Variants in TAFA5 observed in about 807,000 individuals in gnomAD.
TAFA5 encodes the protein TAFA chemokine like family member 5, also known as chemokine-like protein TAFA-5.
A neutral mutation model predicts 15.3 loss-of-function variants in TAFA5; 6 were observed. The observed-to-expected ratio is 0.39, with a 90% confidence interval of 0.21 to 0.77. The LOEUF (loss-of-function observed/expected upper bound fraction) is 0.77, where lower values mean the gene tolerates loss of function less well. TAFA5 is among the 30% of genes least tolerant of loss of function. The pLI, the probability that TAFA5 is intolerant of heterozygous loss-of-function variation, is 0.41. For synonymous variants in TAFA5, 103 were observed against 80.7 expected (o/e 1.28, Z -1.48); for missense variants, 161 against 193.1 (o/e 0.83, Z 0.98).
chr22:48,630,377 G>A (rs1039732017), intron 1 of TAFA5, among the ~76,000 whole-genome samples: 14 of 152,214 alleles, frequency 9.2e-5, no homozygotes, highest in Non-Finnish European at 1.8e-4. Context: ...CCCAGAGCTG[G>A]TGACAGGCAC....
chr22:48,724,779 G>A (rs966437546), intron 3 of TAFA5, among the ~76,000 whole-genome samples: 3 of 152,210 alleles, frequency 2.0e-5, no homozygotes, highest in Non-Finnish European at 4.4e-5. Flanking sequence ...TTAGAAACTA[G>A]TGATCAGAGG....
intron 1 of TAFA5, among the ~76,000 whole-genome samples, chr22:48,575,381 G>A (rs925221283): frequency 1.5e-4 from 23 of 149,052 alleles, no homozygotes; most frequent in Non-Finnish European, 3.0e-4. Context: ...GCGGCCGGGA[G>A]GAGCGCAGAC....
At chr22:48,637,495 A>G (rs1889523137) in intron 1 of TAFA5, among the ~76,000 whole-genome samples, 1 of 152,178 alleles carries the variant, frequency 6.6e-6, no homozygotes, top group Non-Finnish European at 1.5e-5. Flanking sequence ...CCCAAAATAA[A>G]AGCGGTAATA....
At chr22:48,724,498 C>G (rs1929660410) in intron 3 of TAFA5, among the ~76,000 whole-genome samples, 1 of 152,218 alleles carries the variant, frequency 6.6e-6, no homozygotes, top group Non-Finnish European at 1.5e-5. Context: ...CCGTGGCTTT[C>G]TGGATTAATG....
chr22:48,578,859 G>T (rs1043444605), intron 1 of TAFA5, among the ~76,000 whole-genome samples: 3 of 152,116 alleles, frequency 2.0e-5, no homozygotes, highest in Admixed American at 6.5e-5. Flanking sequence ...AGAGGTGCAG[G>T]GAGGGGGGTG....
chr22:48,703,419 C>G (rs554095132), intron 2 of TAFA5, among the ~76,000 whole-genome samples: 2 of 152,348 alleles, frequency 1.3e-5, no homozygotes, highest in East Asian at 3.9e-4. Flanking sequence ...TTTCCGTAGA[C>G]AGCCAGTGGG....
At chr22:48,605,396 G>T (rs1488615616) in intron 1 of TAFA5, among the ~76,000 whole-genome samples, 1 of 147,598 alleles carries the variant, frequency 6.8e-6, no homozygotes, top group Admixed American at 6.7e-5. Context: ...GGTGGTAATG[G>T]TAATGATGGT....
At chr22:48,567,191 A>G (rs2147135883) in intron 1 of TAFA5, among the ~76,000 whole-genome samples, 1 of 152,358 alleles carries the variant, frequency 6.6e-6, no homozygotes. Context: ...ACACACACAC[A>G]AAAATGTGTT....
intron 2 of TAFA5, among the ~76,000 whole-genome samples, chr22:48,694,675 G>A (rs999030086): frequency 3.9e-5 from 6 of 152,068 alleles, no homozygotes; most frequent in African/African-American, 1.2e-4. Flanking sequence ...GATGTTCTCT[G>A]TGTCCCCGGG....
In TAFA5 at chr22:48,490,394, G is replaced by A. The variant is rs1928107460; in HGVS notation, c.112+690G>A. ...GGTGGTGCGGGCCAGTGGGCGCCCG[G>A]GCGTGAGCTGAGGGCTGGGGTAGGG... On this transcript the variant is annotated intron_variant, in intron 1 of 3. Coordinates refer to ENST00000402357, the MANE Select transcript of TAFA5 (RefSeq NM_001082967.3). This position sits in a 1 kb window ranked among gnomAD's most constrained non-coding sequence, Gnocchi z 5.8. Among the ~76,000 whole-genome samples, 1 of 151,852 alleles carries A rather than the reference G, an allele frequency of 6.6e-6. No individual in the cohort carries two copies. Among genetic ancestry groups the A allele is most frequent in the Non-Finnish European group, 1.5e-5 (1 of 67,916 alleles).
At chr22:48,596,547 A>G (rs1159226325) in intron 1 of TAFA5, among the ~76,000 whole-genome samples, 1 of 152,186 alleles carries the variant, frequency 6.6e-6, no homozygotes, top group Non-Finnish European at 1.5e-5. Flanking sequence ...GTTTCCATCT[A>G]GCCTCTCTCC....
chr22:48,633,553 T>G (rs1227478874), intron 1 of TAFA5, among the ~76,000 whole-genome samples: 1 of 138,820 alleles, frequency 7.2e-6, no homozygotes, highest in African/African-American at 3.4e-5. Flanking sequence ...TCTCTCTCTC[T>G]CTCTCCATCT....
Position 48,489,752 on chromosome 22 carries a change from A to C in TAFA5, c.112+48A>C. Reference sequence around the variant, plus strand: ...CCCGGCACGGCCCTCTGGGCCCCGGACCCCCTCCTCCGGCCCCGGCAGGCG... The same window carrying C: ...CCCGGCACGGCCCTCTGGGCCCCGGCCCCCCTCCTCCGGCCCCGGCAGGCG... On this transcript the variant is annotated intron_variant, in intron 1 of 3. Coordinates refer to ENST00000402357, the MANE Select transcript of TAFA5 (RefSeq NM_001082967.3). This position sits in a 1 kb window ranked among gnomAD's most constrained non-coding sequence, Gnocchi z 5.5. 8.2e-7 allele frequency: 1 copy of C among 1,212,856 alleles called. No homozygotes were observed. The highest frequency in any genetic ancestry group is 1.1e-6 in the Non-Finnish European group (1 of 928,416). 75.1% of individuals were successfully genotyped at this position (1,212,856 alleles called of 1,614,324 possible).
chr22:48,531,892 G>A lies in TAFA5; in HGVS notation c.112+42188G>A, dbSNP rs191624872. Reference sequence around the variant, plus strand: ...CGGGCCTGGCAGGGCAGGAGAGGGTGGACGTCCCACAGCCAGGAACAGCCA... The same window carrying A: ...CGGGCCTGGCAGGGCAGGAGAGGGTAGACGTCCCACAGCCAGGAACAGCCA... On this transcript the variant is annotated intron_variant, in intron 1 of 3. Coordinates refer to ENST00000402357, the MANE Select transcript of TAFA5 (RefSeq NM_001082967.3). Among the ~76,000 whole-genome samples the A allele has an allele frequency of 2.9e-4, 44 of 152,336 alleles. No individual in the cohort carries two copies. In the East Asian group the frequency reaches 8.1e-3, roughly 28 times the overall value.
Position 48,542,511 on chromosome 22 carries a change from A to G in TAFA5, c.112+52807A>G, listed in dbSNP as rs1393769993. 3.9e-3 allele frequency among the ~76,000 whole-genome samples: 195 copies of G among 50,604 alleles called. 7 individuals are homozygous for G. Among genetic ancestry groups the G allele is most frequent in the Non-Finnish European group, 9.0e-4 (25 of 27,770 alleles). 33.2% of individuals were successfully genotyped at this position (50,604 alleles called of 152,430 possible). On this transcript the variant is annotated intron_variant, in intron 1 of 3. Coordinates refer to ENST00000402357, the MANE Select transcript of TAFA5 (RefSeq NM_001082967.3). ...TGTGTGGTGTGTGTGCGTGTGTGGCATGTGTGTGTGCATGTGTGGTGTGTG... is the reference window on the plus strand; with the variant it reads ...TGTGTGGTGTGTGTGCGTGTGTGGCGTGTGTGTGTGCATGTGTGGTGTGTG...
chr22:48,701,633 C>A (rs1296527489), intron 2 of TAFA5, among the ~76,000 whole-genome samples: 1 of 152,232 alleles, frequency 6.6e-6, no homozygotes, highest in African/African-American at 2.4e-5. Context: ...GCAAGTTGGA[C>A]TTTCGGCAAA....
chr22:48,595,206 C>T (rs1020967072), intron 1 of TAFA5, among the ~76,000 whole-genome samples: 2 of 152,234 alleles, frequency 1.3e-5, no homozygotes, highest in South Asian at 2.1e-4. Context: ...TCCCTTCCCA[C>T]CTACTCAGGG....
chr22:48,499,500 A>G (rs908906675), intron 1 of TAFA5, among the ~76,000 whole-genome samples: 24 of 152,108 alleles, frequency 1.6e-4, no homozygotes, highest in Admixed American at 1.2e-3. Context: ...CCCCCAGCCT[A>G]GCACCGACGT....
Position 48,552,498 on chromosome 22 carries a change from A to C in TAFA5, c.112+62794A>C, listed in dbSNP as rs1397435069. On this transcript the variant is annotated intron_variant, in intron 1 of 3. Transcript: ENST00000402357. This position sits in a 1 kb window ranked among gnomAD's most constrained non-coding sequence, Gnocchi z 4.1. ...CTCTCTCGGGGTCCTGCAGGCCACG[A>C]GGTGGGCAGCCTGCTCTCCTTGGGT... is the stretch of plus-strand genomic sequence containing the variant. Among the ~76,000 whole-genome samples the C allele has an allele frequency of 6.6e-6, 1 of 152,052 alleles. No homozygotes were observed. The highest frequency in any genetic ancestry group is 2.4e-5 in the African/African-American group (1 of 41,406).
Sources: allele counts gnomAD v4.1 joint callset (sites outside exome capture counted in the v4.1 genomes callset), GRCh38; gene constraint gnomAD v4.1.1; non-coding constraint Gnocchi (gnomAD v3.1); transcripts MANE v1.5; gene names NCBI Gene and HGNC (gene_info 2026-07-23, HGNC 2026-07-21).